The following GRID1 variants were observed in gnomAD, a reference collection of about 807,000 sequenced individuals.
The protein encoded by GRID1 is glutamate ionotropic receptor delta type subunit 1, also known as glutamate receptor ionotropic, delta-1.
In GRID1, 28 loss-of-function variants were observed where a neutral mutation model predicts 98.0. The observed-to-expected ratio is 0.29, with a 90% CI of 0.21 to 0.39. The LOEUF is 0.39. Ranked by LOEUF, GRID1 falls within the 10% of genes least tolerant of loss-of-function variation. The pLI is 1.00. For synonymous variants in GRID1, 553 were observed against 538.5 expected (o/e 1.03, Z -0.37); for missense variants, 1,111 against 1,340.5 (o/e 0.83, Z 2.67).
At chr10:85,978,409 A>G (rs1275328003) in intron 4 of GRID1, among the ~76,000 whole-genome samples, 1 of 152,248 alleles carries the variant, frequency 6.6e-6, no homozygotes, top group African/African-American at 2.4e-5. Context: ...GGTACAACAT[A>G]AATAAGGCAT....
Position 86,195,196 on chromosome 10 carries a change from CA to C in GRID1, c.520+11167del, listed in dbSNP as rs1186741810. Among the ~76,000 whole-genome samples, 4 of 152,108 alleles carry C rather than the reference CA, an allele frequency of 2.6e-5. No homozygotes were observed. The highest frequency in any genetic ancestry group is 9.6e-5 in the African/African-American group (4 of 41,454). ...CCATGAGAGGGCCACACTGCACAGT[CA>C]GCGACTGTGCTTGACTGAGAAACAG... On this transcript the variant is annotated intron_variant, in intron 3 of 15. Transcript: ENST00000327946. This position sits in a 1 kb window ranked among gnomAD's most constrained non-coding sequence, Gnocchi z 4.4.
At chr10:85,631,841 G>A (rs1009502735) in intron 13 of GRID1, among the ~76,000 whole-genome samples, 6 of 152,160 alleles carry the variant, frequency 3.9e-5, no homozygotes. Context: ...ACAGAATGAA[G>A]AATGCCATCC....
chr10:86,054,816 A>C (rs61856054), intron 4 of GRID1, among the ~76,000 whole-genome samples: 3 of 152,172 alleles, frequency 2.0e-5, no homozygotes, highest in African/African-American at 7.2e-5. Flanking sequence ...GCTCTTGGCC[A>C]TGTGACTTTG....
chr10:85,892,589 T>C (rs1841219277), intron 5 of GRID1, among the ~76,000 whole-genome samples: 1 of 150,646 alleles, frequency 6.6e-6, no homozygotes, highest in Non-Finnish European at 1.5e-5. Flanking sequence ...TTTTTATACA[T>C]GCAAAACTAA....
chr10:85,648,556 C>T (rs1310070408), intron 12 of GRID1, among the ~76,000 whole-genome samples: 1 of 152,136 alleles, frequency 6.6e-6, no homozygotes, highest in Non-Finnish European at 1.5e-5. Context: ...GTCTTCTCAA[C>T]TGGATCTACA....
At chr10:85,795,481 A>AT (rs1842518445) in intron 8 of GRID1, among the ~76,000 whole-genome samples, 1 of 152,242 alleles carries the variant, frequency 6.6e-6, no homozygotes, top group Non-Finnish European at 1.5e-5. Context: ...TCCTGTAATG[A>AT]TTTTGTTTAA....
In GRID1 at chr10:85,878,070, A is replaced by G. The variant is rs577690842; in HGVS notation, c.781-8890T>C. ...TGAAGCGAGAAGAGGAGTTTAGAGA[A>G]AAACGAATAAAAAGAAAGGAACAAA... is the stretch of plus-strand genomic sequence containing the variant. On this transcript the variant is annotated intron_variant, in intron 5 of 15. Transcript: ENST00000327946. 5.3e-5 allele frequency among the ~76,000 whole-genome samples: 8 copies of G among 152,352 alleles called. No homozygotes were observed. The South Asian group carries it at 1.7e-3, about 32-fold the overall frequency.
At chr10:85,818,477 TC>T (rs1842735084) in intron 8 of GRID1, among the ~76,000 whole-genome samples, 1 of 152,212 alleles carries the variant, frequency 6.6e-6, no homozygotes, top group Admixed American at 6.5e-5. Flanking sequence ...GATACATTAA[TC>T]ACCCATATTT....
At chr10:85,928,592 C>A (rs942056649) in intron 4 of GRID1, among the ~76,000 whole-genome samples, 2 of 152,248 alleles carry the variant, frequency 1.3e-5, no homozygotes, top group Non-Finnish European at 2.9e-5. Context: ...ACGACTGATT[C>A]ACTATTGCGG....
chr10:85,633,176 C>G (rs201465970), intron 13 of GRID1, among the ~76,000 whole-genome samples: 1 of 151,938 alleles, frequency 6.6e-6, no homozygotes. Context: ...GTGATCCTCC[C>G]GCCTCAGCCT....
At chr10:86,069,327 G>A (rs942018319) in intron 4 of GRID1, among the ~76,000 whole-genome samples, 4 of 152,318 alleles carry the variant, frequency 2.6e-5, no homozygotes, top group South Asian at 4.1e-4. Context: ...CCAGACCAGA[G>A]AGCCTCGCCC....
chr10:85,986,459 G>A (rs192676086), intron 4 of GRID1, among the ~76,000 whole-genome samples: 61 of 152,344 alleles, frequency 4.0e-4, no homozygotes, highest in Non-Finnish European at 7.3e-4. Flanking sequence ...GTTAGTTGCA[G>A]AGACAGGCCT....
intron 8 of GRID1, among the ~76,000 whole-genome samples, chr10:85,755,765 C>A (rs1330068955): frequency 6.6e-6 from 1 of 152,150 alleles, no homozygotes; most frequent in Non-Finnish European, 1.5e-5. Context: ...CCAAGAACCC[C>A]ATTTCCTGGT....
In GRID1 at chr10:86,147,214, G is replaced by A. The variant is rs7095597; in HGVS notation, c.521-8190C>T. On this transcript the variant is annotated intron_variant, in intron 3 of 15. Coordinates refer to ENST00000327946, the MANE Select transcript of GRID1 (RefSeq NM_017551.3). ...AGCTCCCCAGACAACAGTCATGGCA[G>A]GCCTGGCCCTGAGGTCCTCCAGAGT... Among the ~76,000 whole-genome samples the A allele has an allele frequency of 5.7e-3, 866 of 152,282 alleles. 10 individuals carry two copies. The highest frequency in any genetic ancestry group is 0.02 in the African/African-American group (825 of 41,548).
At chr10:85,711,819 G>A (rs1841584851) in intron 12 of GRID1, among the ~76,000 whole-genome samples, 1 of 151,634 alleles carries the variant, frequency 6.6e-6, no homozygotes, top group Admixed American at 6.6e-5. Flanking sequence ...TCCTAAAAAA[G>A]AGCACATCAA....
intron 12 of GRID1, among the ~76,000 whole-genome samples, chr10:85,701,045 CA>C (rs1489826754): frequency 6.6e-6 from 1 of 152,062 alleles, no homozygotes; most frequent in East Asian, 1.9e-4. Flanking sequence ...CTGAAATGAA[CA>C]GGCCATTTTT....
rs1845864965 is a variant in GRID1, at chr10:86,195,877, AC to A, written c.520+10486del. 6.6e-6 allele frequency among the ~76,000 whole-genome samples: 1 copy of A among 152,124 alleles called. No homozygotes were observed. Among genetic ancestry groups the A allele is most frequent in the Non-Finnish European group, 1.5e-5 (1 of 67,974 alleles). ...CTTCCTGCAGTCCAGAACTAGTCAC[AC>A]AAGATACAGGCAATTTCATCCTTTT... is the stretch of plus-strand genomic sequence containing the variant. On this transcript the variant is annotated intron_variant, in intron 3 of 15. Transcript: ENST00000327946. The surrounding 1 kb of genome is among the most constrained non-coding windows in gnomAD (Gnocchi z 4.4).
intron 8 of GRID1, among the ~76,000 whole-genome samples, chr10:85,755,056 G>GT (rs1382164269): frequency 6.6e-6 from 1 of 152,134 alleles, no homozygotes; most frequent in Non-Finnish European, 1.5e-5. Context: ...GAGCCTGTGG[G>GT]TTTTTAGTCT....
chr10:86,069,741 A>G (rs1198166135), intron 4 of GRID1, among the ~76,000 whole-genome samples: 1 of 152,216 alleles, frequency 6.6e-6, no homozygotes, highest in Non-Finnish European at 1.5e-5. Flanking sequence ...CCTTGTTTTC[A>G]GTGGAAAAGA....
Sources: gnomAD v4.1 joint callset for allele counts (sites outside exome capture counted in the v4.1 genomes callset) on GRCh38, gnomAD v4.1.1 for gene constraint, Gnocchi (gnomAD v3.1) non-coding constraint, MANE v1.5 for transcripts, NCBI Gene and HGNC (gene_info 2026-07-23, HGNC 2026-07-21) for gene names.